Variants in RGS22 observed in about 807,000 individuals in gnomAD.
The protein encoded by RGS22 is regulator of G-protein signaling 22.
In RGS22, 148 loss-of-function variants were observed where a neutral mutation model predicts 172.9. The ratio of observed to expected loss-of-function variants is 0.86; its 90% confidence interval spans 0.75 to 0.98. RGS22 has a LOEUF of 0.98. RGS22 is among the 50% of genes least tolerant of loss of function. RGS22 has a pLI of 0.00. For missense variants in RGS22, 1,347 were observed against 1,440.8 expected, an observed-to-expected ratio of 0.93 and a Z score of 1.05; for synonymous variants, 458 against 480.2, an observed-to-expected ratio of 0.95 and a Z score of 0.60.
chr8:100,042,423 A>G (rs1010473099), intron 11 of RGS22, among the ~76,000 whole-genome samples: 2 of 152,208 alleles, frequency 1.3e-5, no homozygotes, highest in African/African-American at 4.8e-5. Context: ...AAAAGTGAAC[A>G]TTATATACTA....
chr8:99,992,587 C>A (rs1813878558), intron 20 of RGS22, among the ~76,000 whole-genome samples: 1 of 152,124 alleles, frequency 6.6e-6, no homozygotes, highest in South Asian at 2.1e-4. Context: ...TATATATGCA[C>A]CCAATACAGG....
At chr8:100,070,058 A>C in intron 6 of RGS22, among the ~76,000 whole-genome samples, 1 of 150,196 alleles carries the variant, frequency 6.7e-6, no homozygotes, top group Admixed American at 6.6e-5. Context: ...ACAAAACAAA[A>C]CTAGGAGAGT....
chr8:100,013,474 A>G (rs1424304066), intron 14 of RGS22, among the ~76,000 whole-genome samples: 1 of 152,112 alleles, frequency 6.6e-6, no homozygotes, highest in Non-Finnish European at 1.5e-5. Flanking sequence ...GTGCTACTCT[A>G]AGTTCCATGA....
intron 23 of RGS22, among the ~76,000 whole-genome samples, chr8:99,972,162 T>C (rs1588877992): frequency 1.3e-5 from 2 of 152,292 alleles, no homozygotes; most frequent in East Asian, 3.9e-4. Context: ...GGATTCCCTA[T>C]TTAATAAATG....
At chr8:100,099,911 G>A (rs1476408833) in intron 2 of RGS22, among the ~76,000 whole-genome samples, 1 of 152,174 alleles carries the variant, frequency 6.6e-6, no homozygotes, top group African/African-American at 2.4e-5. Context: ...AAGCTGCCTA[G>A]TGTGTCAGCC....
chr8:100,003,736 G>A (rs1405011538), intron 17 of RGS22, among the ~76,000 whole-genome samples, 190 bp downstream of exon 17: 2 of 152,092 alleles, frequency 1.3e-5, no homozygotes, highest in Non-Finnish European at 2.9e-5. Context: ...CAATATGGAG[G>A]TTGATACAAT....
At chr8:99,969,614 A>C (rs1385837734) in intron 23 of RGS22, among the ~76,000 whole-genome samples, 1 of 152,176 alleles carries the variant, frequency 6.6e-6, no homozygotes, top group African/African-American at 2.4e-5. Context: ...TCAACCAACA[A>C]AGATCAAAAA....
chr8:100,073,396 A>T (rs888497422), intron 4 of RGS22, among the ~76,000 whole-genome samples: 9 of 151,022 alleles, frequency 6.0e-5, no homozygotes, highest in Admixed American at 3.3e-4. Flanking sequence ...TTGGAACATA[A>T]AATAGTTTCC....
chr8:99,997,708 A>C (rs1026470055), intron 19 of RGS22, among the ~76,000 whole-genome samples: 1 of 152,226 alleles, frequency 6.6e-6, no homozygotes, highest in African/African-American at 2.4e-5. Context: ...ATTTTTATAA[A>C]GATCAGGTTT....
intron 6 of RGS22, among the ~76,000 whole-genome samples, chr8:100,069,088 C>T (rs1489424319): frequency 6.6e-6 from 1 of 151,924 alleles, no homozygotes; most frequent in Non-Finnish European, 1.5e-5. Context: ...GATAGAAATG[C>T]TGAACTACAA....
In RGS22 at chr8:100,101,879, A is replaced by T. The variant is rs1487954400; in HGVS notation, c.54+3495T>A. 2.0e-5 allele frequency among the ~76,000 whole-genome samples: 3 copies of T among 152,046 alleles called. No homozygotes were observed. The East Asian group carries it at 5.8e-4, about 29-fold the overall frequency. On this transcript the variant is annotated intron_variant, in intron 2 of 27. Transcript: ENST00000360863. The stretch of plus-strand genomic sequence containing the variant: ...ACACAGGAGCACGAAACCAAAAAAA[A>T]AAACTACTTAAATAAAATAATAAAA...
chr8:100,098,587 A>T (rs952115341), intron 2 of RGS22, among the ~76,000 whole-genome samples: 20 of 152,198 alleles, frequency 1.3e-4, no homozygotes, highest in African/African-American at 4.8e-4. Context: ...AATGAGGAGC[A>T]AAAGTATGGA....
intron 2 of RGS22, among the ~76,000 whole-genome samples, chr8:100,096,428 T>G (rs1035422613): frequency 6.6e-6 from 1 of 152,190 alleles, no homozygotes; most frequent in African/African-American, 2.4e-5. Flanking sequence ...TGTTTTTTCA[T>G]GTATTACAGG....
At chr8:99,968,920 C>T (rs1304456734) in intron 23 of RGS22, among the ~76,000 whole-genome samples, 5 of 152,042 alleles carry the variant, frequency 3.3e-5, no homozygotes, top group Non-Finnish European at 7.4e-5. Context: ...CCCCAAGATA[C>T]ATAATCATCA....
At position 100,038,934 on chromosome 8, in the gene RGS22, C is replaced by T. The variant is rs748468054; in HGVS notation, c.2163G>A (p.Ala721=). 2.1e-5 allele frequency: 33 copies of T among 1,601,698 alleles called. No individual in the cohort carries two copies. The highest frequency in any genetic ancestry group is 1.4e-4 in the South Asian group (13 of 89,886). The stretch of plus-strand genomic sequence containing the variant: ...ACCAATATTATTTACTACGTACTTG[C>T]GCTTGCTTGCATACTTTAAAAGGCT... ...TLQPFKVCKQ[A]QYLFATYVAP... Residue 721 remains alanine (A), a synonymous_variant, in exon 14 of 28, where the codon GCG becomes GCA. Transcript: ENST00000360863.
chr8:100,006,016 C>T lies in RGS22; in HGVS notation c.2454+1G>A. The T allele has an allele frequency of 2.5e-6, 4 of 1,611,902 alleles. No individual in the cohort carries two copies. Among genetic ancestry groups the T allele is most frequent in the South Asian group, 1.1e-5 (1 of 90,776 alleles). On this transcript the variant is annotated splice_donor_variant, in intron 16 of 27. Transcript: ENST00000360863. LOFTEE classifies it high-confidence loss of function. ...TTTTTCTAAGTAGAAAGTTGCCTTACCTCAGCTTTCTTGGAAAATGTCTCT... is the reference window on the plus strand; with the variant it reads ...TTTTTCTAAGTAGAAAGTTGCCTTATCTCAGCTTTCTTGGAAAATGTCTCT...
Position 100,008,357 on chromosome 8 carries a change from T to G in RGS22, c.2361+18A>C. ...AAACCTGAATGGTTTCACACTCAAT[T>G]TATCGGTGGCACGGTACCTTTTTAT... On this transcript the variant is annotated intron_variant, in intron 15 of 27. Transcript: ENST00000360863. The G allele has an allele frequency of 6.3e-7, 1 of 1,599,166 alleles. No individual in the cohort carries two copies. The highest frequency in any genetic ancestry group is 1.4e-5 in the African/African-American group (1 of 73,736).
Position 99,989,861 on chromosome 8 carries a change from CAGATAGATAGATAGATAGAT to C in RGS22, c.3019-2262_3019-2243del, listed in dbSNP as rs58327517. Among the ~76,000 whole-genome samples the C allele has an allele frequency of 3.5e-3, 513 of 146,448 alleles. 1 individual carries two copies. The highest frequency in any genetic ancestry group is 0.012 in the African/African-American group (485 of 39,566). Reference sequence around the variant, plus strand: ...CTCTGTCTCTAGATAGATAGACAGACAGATAGATAGATAGATAGATAGATAGATAGATAGATAGATAGATA... The same window carrying C: ...CTCTGTCTCTAGATAGATAGACAGACAGATAGATAGATAGATAGATAGATA... On this transcript the variant is annotated intron_variant, in intron 20 of 27. Coordinates refer to ENST00000360863, the MANE Select transcript of RGS22 (RefSeq NM_015668.5).
At chr8:100,068,559 C>T (rs1288380867) in intron 6 of RGS22, among the ~76,000 whole-genome samples, 2 of 152,012 alleles carry the variant, frequency 1.3e-5, no homozygotes, top group Admixed American at 6.6e-5. Flanking sequence ...TTGATTCTTC[C>T]CTTTACATGT....
Sources: allele counts gnomAD v4.1 joint callset (sites outside exome capture counted in the v4.1 genomes callset), GRCh38; gene constraint gnomAD v4.1.1; transcripts MANE v1.5; gene names NCBI Gene and HGNC (gene_info 2026-07-23, HGNC 2026-07-21).